Variants in SAMD5 observed in about 807,000 individuals in gnomAD.
SAMD5 encodes sterile alpha motif domain containing 5, also known as sterile alpha motif domain-containing protein 5.
In SAMD5, 13 loss-of-function variants were observed where a neutral mutation model predicts 11.3. That is an observed-to-expected ratio of 1.15 (90% CI 0.75 to 1.83). SAMD5 has a LOEUF of 1.83. Among genes scored for constraint, SAMD5 ranks in the 40% most tolerant of loss-of-function variants. The pLI is 0.00. For missense variants in SAMD5, 255 were observed against 239.1 expected, an observed-to-expected ratio of 1.07 and a Z score of -0.44; for synonymous variants, 129 against 111.3, an observed-to-expected ratio of 1.16 and a Z score of -1.00.
chr6:147,860,298 G>T, the SAMD5 span, among the ~76,000 whole-genome samples: 5,140 of 152,208 alleles, frequency 0.034, 306 homozygotes, highest in African/African-American at 0.12. Flanking sequence ...ACTAAGGTCC[G>T]CCCTAATCCC....
Position 147,704,556 on chromosome 6 carries a change from GA to G in SAMD5, c.163-32752del, listed in dbSNP as rs201402576. Among the ~76,000 whole-genome samples the G allele has an allele frequency of 2.1e-4, 31 of 150,470 alleles. No individual in the cohort carries two copies. In the South Asian group the frequency reaches 2.1e-3, roughly 10 times the overall value. ...CAAATTATATTTCTGATGCAAATCA[GA>G]AAAAAAAAGGGCTGTGACAGGTAGT... On this transcript the variant is annotated intron_variant, in intron 1 of 1. Transcript: ENST00000566741.
chr6:147,525,402 G>C (rs1156845269), intron 1 of SAMD5, among the ~76,000 whole-genome samples: 1 of 149,472 alleles, frequency 6.7e-6, no homozygotes, highest in African/African-American at 2.5e-5. Context: ...AGCCTGGAGT[G>C]GGAATACATT....
chr6:147,546,517 C>T (rs956019724), intron 1 of SAMD5, among the ~76,000 whole-genome samples: 3 of 85,864 alleles, frequency 3.5e-5, no homozygotes, highest in African/African-American at 4.5e-5. Flanking sequence ...GCAACAAGAG[C>T]GAAACTCTGT....
At chr6:147,524,750 G>A (rs1788310593) in intron 1 of SAMD5, among the ~76,000 whole-genome samples, 1 of 151,886 alleles carries the variant, frequency 6.6e-6, no homozygotes, top group Admixed American at 6.6e-5. Flanking sequence ...TGCTGTTGGT[G>A]GTCTCGTCAG....
intron 1 of SAMD5, among the ~76,000 whole-genome samples, chr6:147,724,983 T>C (rs1356710327): frequency 2.6e-5 from 4 of 152,182 alleles, no homozygotes. Flanking sequence ...ACAACTAGTG[T>C]CAGAACCTTC....
intron 1 of SAMD5, among the ~76,000 whole-genome samples, chr6:147,723,848 T>A (rs1010849760): frequency 2.6e-5 from 4 of 152,194 alleles, no homozygotes; most frequent in Non-Finnish European, 4.4e-5. Context: ...AGAAAATGTA[T>A]AATTTTGTAG....
intron 1 of SAMD5, among the ~76,000 whole-genome samples, chr6:147,626,537 C>A (rs1352659507): frequency 1.3e-5 from 2 of 151,750 alleles, no homozygotes; most frequent in African/African-American, 4.8e-5. Context: ...TTTAGATCAG[C>A]TGTATAGTCT....
chr6:147,674,547 G>A (rs1019268454), intron 1 of SAMD5, among the ~76,000 whole-genome samples: 2 of 152,174 alleles, frequency 1.3e-5, no homozygotes, highest in South Asian at 4.1e-4. Flanking sequence ...GGGTAGCACA[G>A]AGGCACTACA....
At chr6:147,825,375 C>T in the SAMD5 span, among the ~76,000 whole-genome samples, 5 of 152,160 alleles carry the variant, frequency 3.3e-5, no homozygotes, top group Non-Finnish European at 7.3e-5. Context: ...ATCTTCTTTA[C>T]AGTCTTTCTA....
At chr6:147,795,930 A>C in the SAMD5 span, among the ~76,000 whole-genome samples, 3 of 151,066 alleles carry the variant, frequency 2.0e-5, no homozygotes, top group African/African-American at 7.3e-5. Context: ...TTTTTCTTGT[A>C]AATTTGTTTG....
At position 147,608,929 on chromosome 6, in the gene SAMD5, C is replaced by T. The variant is rs113285020; in HGVS notation, c.162+99542C>T. On this transcript the variant is annotated intron_variant, in intron 1 of 1. Coordinates refer to the SAMD5 transcript ENST00000566741. The stretch of plus-strand genomic sequence containing the variant: ...TGTACCCCATAAATATATGTACCTA[C>T]TATATATATATGTACTCACAAAAAT... 2.1e-4 allele frequency among the ~76,000 whole-genome samples: 31 copies of T among 151,176 alleles called. 1 individual carries two copies. The highest frequency in any genetic ancestry group is 3.4e-3 in the Middle Eastern group (1 of 292).
chr6:147,679,745 A>G (rs1790914353), intron 1 of SAMD5, among the ~76,000 whole-genome samples: 1 of 150,708 alleles, frequency 6.6e-6, no homozygotes. Flanking sequence ...ATACTGTCCT[A>G]TATTTACTCC....
At chr6:147,803,547 A>G in the SAMD5 span, among the ~76,000 whole-genome samples, 2 of 152,222 alleles carry the variant, frequency 1.3e-5, no homozygotes, top group Non-Finnish European at 2.9e-5. Flanking sequence ...GTCTTATAGC[A>G]TATAATTACA....
chr6:147,833,617 G>A, the SAMD5 span, among the ~76,000 whole-genome samples: 6 of 152,246 alleles, frequency 3.9e-5, no homozygotes, highest in South Asian at 6.2e-4. Context: ...ACCTTGTTGT[G>A]GTTCCAGTGC....
intron 1 of SAMD5, among the ~76,000 whole-genome samples, chr6:147,698,427 C>T (rs929212138): frequency 6.6e-6 from 1 of 152,086 alleles, no homozygotes; most frequent in Non-Finnish European, 1.5e-5. Context: ...TTCTCCTTTC[C>T]CTTTGATTGT....
At chr6:147,619,461 A>C (rs1028925355) in intron 1 of SAMD5, among the ~76,000 whole-genome samples, 2 of 152,202 alleles carry the variant, frequency 1.3e-5, no homozygotes, top group African/African-American at 4.8e-5. Context: ...ATACGCAGAT[A>C]CTCATGAGGC....
chr6:147,511,109 G>A lies in SAMD5; in HGVS notation c.459+1722G>A, dbSNP rs558090603. Among the ~76,000 whole-genome samples the A allele has an allele frequency of 5.1e-4, 77 of 152,364 alleles. 2 individuals are homozygous for A. In the South Asian group the frequency reaches 0.015, roughly 30 times the overall value. On this transcript the variant is annotated intron_variant, in intron 1 of 1. Transcript: ENST00000367474. Reference sequence around the variant, plus strand: ...CAAGTCCTGGCAAGAAAGGAATGCAGAGAGCAAAGTGTGTCACTAGAGCTT... The same window carrying A: ...CAAGTCCTGGCAAGAAAGGAATGCAAAGAGCAAAGTGTGTCACTAGAGCTT...
At chr6:147,666,597 T>A (rs1455340633) in intron 1 of SAMD5, among the ~76,000 whole-genome samples, 2 of 152,202 alleles carry the variant, frequency 1.3e-5, no homozygotes, top group Admixed American at 1.3e-4. Flanking sequence ...AGCCACACTC[T>A]TCCTCTCTAT....
At chr6:147,847,470 A>G in the SAMD5 span, among the ~76,000 whole-genome samples, 3 of 152,240 alleles carry the variant, frequency 2.0e-5, no homozygotes, top group Non-Finnish European at 2.9e-5. Flanking sequence ...TTTGATGTCA[A>G]GGTTCAGCAT....
Sources: allele counts gnomAD v4.1 joint callset (sites outside exome capture counted in the v4.1 genomes callset), GRCh38; gene constraint gnomAD v4.1.1; transcripts MANE v1.5; gene names NCBI Gene and HGNC (gene_info 2026-07-23, HGNC 2026-07-21).